The following COL5A2 variants were observed in gnomAD, a reference collection of about 807,000 sequenced individuals.
COL5A2 encodes collagen alpha-2(V) chain.
A neutral mutation model predicts 208.2 loss-of-function variants in COL5A2; 23 were observed. The observed-to-expected ratio is 0.11, with a 90% CI of 0.08 to 0.16. The LOEUF is 0.16. COL5A2 is among the 10% of genes least tolerant of loss of function. The probability of loss-of-function intolerance (pLI) is 1.00; values close to 1 mark genes in which losing one functional copy is unlikely to be tolerated. For synonymous variants in COL5A2, 625 were observed against 628.5 expected (o/e 0.99, Z 0.08); for missense variants, 1,590 against 1,956.4 (o/e 0.81, Z 3.53).
chr2:189,220,741 C>G (rs1041381653), intron 1 of COL5A2, among the ~76,000 whole-genome samples: 1 of 152,080 alleles, frequency 6.6e-6, no homozygotes, highest in Non-Finnish European at 1.5e-5. Context: ...AAATTAAAAG[C>G]CCAAAACAAT....
At chr2:189,073,608 T>C (rs1686333799) in intron 17 of COL5A2, among the ~76,000 whole-genome samples, 1 of 152,134 alleles carries the variant, frequency 6.6e-6, no homozygotes, top group South Asian at 2.1e-4. Flanking sequence ...GATGAACAGA[T>C]AAAGTTTACT....
the COL5A2 span, among the ~76,000 whole-genome samples, chr2:189,282,176 A>G: frequency 1.3e-5 from 2 of 152,026 alleles, no homozygotes; most frequent in African/African-American, 4.8e-5. Context: ...AAAGAGCAAG[A>G]CTCCATCTCA....
chr2:189,345,204 TC>T, the COL5A2 span, among the ~76,000 whole-genome samples: 2 of 152,192 alleles, frequency 1.3e-5, no homozygotes, highest in African/African-American at 4.8e-5. Context: ...CAAATGTAGC[TC>T]CTCAAGTTTT....
At chr2:189,392,343 C>T in the COL5A2 span, among the ~76,000 whole-genome samples, 1 of 152,142 alleles carries the variant, frequency 6.6e-6, no homozygotes, top group Non-Finnish European at 1.5e-5. Flanking sequence ...AGATGTCATA[C>T]TGACTTTGAC....
the COL5A2 span, among the ~76,000 whole-genome samples, chr2:189,423,725 T>C: frequency 6.6e-6 from 1 of 152,058 alleles, no homozygotes; most frequent in Non-Finnish European, 1.5e-5. Context: ...TGTAATAAAA[T>C]GTCACCTATC....
intron 13 of COL5A2, among the ~76,000 whole-genome samples, chr2:189,080,654 T>C (rs1481214339): frequency 6.6e-6 from 1 of 152,112 alleles, no homozygotes; most frequent in Non-Finnish European, 1.5e-5. Context: ...ATGTCACCTA[T>C]TACACTATAC....
chr2:189,311,761 C>A, the COL5A2 span: 5 of 801,048 alleles, frequency 6.2e-6, no homozygotes, highest in Admixed American at 1.7e-5. Flanking sequence ...AAGCTCCTCT[C>A]GGTTCTTCCA....
chr2:189,385,430 A>G, the COL5A2 span, among the ~76,000 whole-genome samples: 1 of 152,130 alleles, frequency 6.6e-6, no homozygotes, highest in African/African-American at 2.4e-5. Context: ...GTGAAAGATC[A>G]CTACAAAGAA....
chr2:189,429,173 AACC>A, the COL5A2 span, among the ~76,000 whole-genome samples: 2 of 152,248 alleles, frequency 1.3e-5, no homozygotes, highest in Admixed American at 1.3e-4. Context: ...AGGTAGGTTT[AACC>A]ATTCCACAAG....
chr2:189,142,276 T>A (rs1449727096), intron 1 of COL5A2, among the ~76,000 whole-genome samples: 3 of 152,044 alleles, frequency 2.0e-5, no homozygotes, highest in Non-Finnish European at 4.4e-5. Context: ...CCTTGTTTTT[T>A]TATTTCTAAA....
At chr2:189,413,949 G>A in the COL5A2 span, among the ~76,000 whole-genome samples, 1 of 151,772 alleles carries the variant, frequency 6.6e-6, no homozygotes, top group Admixed American at 6.6e-5. Flanking sequence ...CCGCCACTGC[G>A]CCCGGCTAAT....
intron 34 of COL5A2, 125 bp from the exon 35 acceptor site, chr2:189,057,151 G>A (rs1685916056): frequency 8.7e-7 from 1 of 1,155,130 alleles, no homozygotes; most frequent in Admixed American, 1.7e-5. Flanking sequence ...GCCTGGGATG[G>A]TGCCTCACAC....
chr2:189,066,255 G>C, intron 23 of COL5A2, 135 bp downstream of exon 23: 1 of 854,652 alleles, frequency 1.2e-6, no homozygotes, highest in Non-Finnish European at 2.0e-6. Context: ...CTTTCTATTT[G>C]CACATAACTG....
the COL5A2 span, among the ~76,000 whole-genome samples, chr2:189,234,507 G>A: frequency 4.0e-5 from 6 of 151,564 alleles, no homozygotes; most frequent in East Asian, 1.9e-4. Flanking sequence ...TTCCTGAGTC[G>A]TTGGATACAT....
the COL5A2 span, among the ~76,000 whole-genome samples, chr2:189,273,900 G>T: frequency 6.6e-6 from 1 of 151,990 alleles, no homozygotes; most frequent in African/African-American, 2.4e-5. Context: ...TTGACTTAGG[G>T]AGAAGGAGTA....
chr2:189,277,129 G>A, the COL5A2 span, among the ~76,000 whole-genome samples: 1 of 152,040 alleles, frequency 6.6e-6, no homozygotes, highest in Admixed American at 6.6e-5. Flanking sequence ...ATGTAGAAAT[G>A]AAACTAGGCA....
chr2:189,319,915 C>A, the COL5A2 span, among the ~76,000 whole-genome samples: 312 of 152,300 alleles, frequency 2.0e-3, 2 homozygotes, highest in East Asian at 0.03. Context: ...GGCACCCCCC[C>A]AGTAGGGGCA....
At chr2:189,402,944 A>G in the COL5A2 span, among the ~76,000 whole-genome samples, 1 of 152,136 alleles carries the variant, frequency 6.6e-6, no homozygotes, top group East Asian at 1.9e-4. Context: ...TAATTCTGTT[A>G]AGAATGTCAA....
chr2:189,409,202 C>CTTTTTTTTTTTTTTTTTTTTTTTTT, the COL5A2 span, among the ~76,000 whole-genome samples: 1 of 89,782 alleles, frequency 1.1e-5, no homozygotes, highest in Non-Finnish European at 2.6e-5. Flanking sequence ...TATAAATTTA[C>CTTTTTTTTTTTTTTTTTTTTTTTTT]TCTTTTTTTT....
Sources: gnomAD v4.1 joint callset for allele counts (sites outside exome capture counted in the v4.1 genomes callset) on GRCh38, gnomAD v4.1.1 for gene constraint, MANE v1.5 for transcripts, NCBI Gene and HGNC (gene_info 2026-07-23, HGNC 2026-07-21) for gene names.